IL7: variants seen among roughly 807,000 people sequenced by gnomAD.
IL7 encodes interleukin-7.
In IL7, 3 loss-of-function variants were observed where a neutral mutation model predicts 21.6. The observed-to-expected ratio is 0.14, with a 90% CI of 0.06 to 0.36. IL7 has a LOEUF of 0.36. Among genes scored for constraint, IL7 ranks in the 10% least tolerant of loss-of-function variants. The pLI, the probability that IL7 is intolerant of heterozygous loss-of-function variation, is 1.00. For synonymous variants in IL7, 62 were observed against 68.1 expected, an observed-to-expected ratio of 0.91 and a Z score of 0.44; for missense variants, 175 against 200.2, an observed-to-expected ratio of 0.87 and a Z score of 0.76.
chr8:78,783,547 C>T (rs1813411640), intron 2 of IL7, among the ~76,000 whole-genome samples: 1 of 152,110 alleles, frequency 6.6e-6, no homozygotes, highest in Non-Finnish European at 1.5e-5. Context: ...CATGGCCCAG[C>T]TCTCACTCAT....
chr8:78,757,941 G>C (rs1009752348), intron 2 of IL7, among the ~76,000 whole-genome samples: 6 of 152,010 alleles, frequency 3.9e-5, no homozygotes, highest in Admixed American at 3.9e-4. Flanking sequence ...AGATCTCATG[G>C]TTTTATAAAT....
chr8:78,792,169 CCAGA>C (rs1015013386), intron 2 of IL7, among the ~76,000 whole-genome samples: 1 of 151,912 alleles, frequency 6.6e-6, no homozygotes, highest in Non-Finnish European at 1.5e-5. Flanking sequence ...ACAAGGGTGT[CCAGA>C]CATTCAATGA....
Position 78,739,985 on chromosome 8 carries a change from C to G in IL7, c.228+17G>C, listed in dbSNP as rs778481693. ...AAAATCAAGCTTGAATGACAAACTC[C>G]AAATAATTATCATTACCTTATTAGC... On this transcript the variant is annotated intron_variant, in intron 3 of 5. Coordinates refer to ENST00000263851, the MANE Select transcript of IL7 (RefSeq NM_000880.4). 36 of 1,503,580 alleles carry G rather than the reference C, an allele frequency of 2.4e-5. No individual in the cohort carries two copies. Among genetic ancestry groups the G allele is most frequent in the Non-Finnish European group, 3.1e-5 (35 of 1,133,884 alleles). The allele number at this position is 1,503,580 out of a possible 1,614,324, so 93.1% of individuals were successfully genotyped here.
downstream of IL7, among the ~76,000 whole-genome samples, chr8:78,714,180 T>C (rs952323831): frequency 3.9e-5 from 6 of 152,174 alleles, no homozygotes; most frequent in East Asian, 1.9e-4. Flanking sequence ...TCAATGAACA[T>C]CTAAATCCTA....
downstream of IL7, chr8:78,717,501 C>G (rs781264276): frequency 7.3e-7 from 1 of 1,364,176 alleles, no homozygotes; most frequent in Admixed American, 3.1e-5. Context: ...TGAATAGAAT[C>G]TCAAAAAAAA....
intron 3 of IL7, 51 bp downstream of exon 3, chr8:78,739,951 A>T (rs769026116): frequency 1.4e-6 from 2 of 1,453,986 alleles, no homozygotes; most frequent in Non-Finnish European, 1.8e-6. Context: ...AAAAAATAGA[A>T]GCTTCTATAA....
At chr8:78,675,925 G>T in exon 5 of IL7, 1 of 1,435,542 alleles carries the variant, frequency 7.0e-7, no homozygotes, top group Non-Finnish European at 9.7e-7. Context: ...AATAATTCTG[G>T]TCAATTCTCA....
At chr8:78,771,088 A>G in intron 2 of IL7, among the ~76,000 whole-genome samples, 1 of 152,022 alleles carries the variant, frequency 6.6e-6, no homozygotes, top group Middle Eastern at 3.2e-3. Context: ...TTCCCACTCC[A>G]TTTGTGGAGA....
intron 2 of IL7, among the ~76,000 whole-genome samples, chr8:78,791,865 C>G (rs188123608): frequency 6.6e-6 from 1 of 151,994 alleles, no homozygotes; most frequent in African/African-American, 2.4e-5. Context: ...TTAGTAATTG[C>G]TCAGAGATAT....
intron 4 of IL7, among the ~76,000 whole-genome samples, chr8:78,685,110 A>T (rs900636738): frequency 6.6e-6 from 1 of 152,230 alleles, no homozygotes; most frequent in Non-Finnish European, 1.5e-5. Flanking sequence ...AACAAAGGAT[A>T]GTCAGAACCG....
chr8:78,679,059 A>C (rs1325578197), intron 4 of IL7: 1 of 153,564 alleles, frequency 6.5e-6, no homozygotes, highest in African/African-American at 2.4e-5. Context: ...TAATCTCTAC[A>C]TCCAAAAAGT....
At chr8:78,772,384 T>C (rs1264082308) in intron 2 of IL7, among the ~76,000 whole-genome samples, 2 of 152,178 alleles carry the variant, frequency 1.3e-5, no homozygotes, top group Non-Finnish European at 2.9e-5. Flanking sequence ...TTTACATGTC[T>C]ACTTTAAAAA....
At chr8:78,704,111 G>A (rs995312452) in intron 3 of IL7, among the ~76,000 whole-genome samples, 11 of 152,132 alleles carry the variant, frequency 7.2e-5, no homozygotes, top group Non-Finnish European at 4.4e-5. Flanking sequence ...GCCAGGTGTG[G>A]TGGCTCACGC....
intron 2 of IL7, among the ~76,000 whole-genome samples, chr8:78,790,804 T>C (rs1236062426): frequency 4.3e-4 from 65 of 151,508 alleles, no homozygotes; most frequent in Non-Finnish European, 2.5e-4. Flanking sequence ...TAAAAGAAAA[T>C]TTAAAAGATA....
At chr8:78,711,381 T>A (rs1311638516) in intron 3 of IL7, among the ~76,000 whole-genome samples, 3 of 152,098 alleles carry the variant, frequency 2.0e-5, no homozygotes, top group Admixed American at 6.6e-5. Context: ...TGTGTGTGTG[T>A]ATATATAGGC....
At chr8:78,710,775 A>G (rs1810927145) in intron 3 of IL7, among the ~76,000 whole-genome samples, 1 of 152,140 alleles carries the variant, frequency 6.6e-6, no homozygotes, top group Non-Finnish European at 1.5e-5. Flanking sequence ...TAGAAATTTT[A>G]CTTAATACAT....
chr8:78,685,820 T>G (rs1809950406), intron 4 of IL7: 1 of 152,258 alleles, frequency 6.6e-6, no homozygotes, highest in South Asian at 2.1e-4. Flanking sequence ...TGTGTTAGTC[T>G]CTTTTCTGCT....
chr8:78,801,782 G>A (rs540476461), intron 1 of IL7, among the ~76,000 whole-genome samples: 3 of 152,196 alleles, frequency 2.0e-5, no homozygotes, highest in Admixed American at 6.5e-5. Flanking sequence ...ATTGCCTCAC[G>A]GACAATGCTG....
chr8:78,712,022 C>A, intron 3 of IL7: 1 of 1,289,568 alleles, frequency 7.8e-7, no homozygotes, highest in Non-Finnish European at 1.0e-6. Context: ...CCACTTCGAA[C>A]GGGAAGACTT....
Sources: gnomAD v4.1 joint callset for allele counts (sites outside exome capture counted in the v4.1 genomes callset) on GRCh38, gnomAD v4.1.1 for gene constraint, MANE v1.5 for transcripts, NCBI Gene and HGNC (gene_info 2026-07-23, HGNC 2026-07-21) for gene names.